The following LNX1 variants were observed in gnomAD, a reference collection of about 807,000 sequenced individuals.
LNX1 encodes the protein E3 ubiquitin-protein ligase LNX.
Under a neutral mutation model 68.4 loss-of-function variants are expected in LNX1, and 54 were observed. The ratio of observed to expected loss-of-function variants is 0.79; its 90% CI spans 0.63 to 0.99. The LOEUF is 0.99. Ranked by LOEUF, LNX1 falls within the 50% of genes least tolerant of loss-of-function variation. The pLI is 0.00. For synonymous variants in LNX1, 336 were observed against 350.0 expected (o/e 0.96, Z 0.45); for missense variants, 906 against 926.4 (o/e 0.98, Z 0.29).
At chr4:53,487,780 T>C (rs1029896224) in intron 6 of LNX1, among the ~76,000 whole-genome samples, 4 of 152,232 alleles carry the variant, frequency 2.6e-5, no homozygotes, top group African/African-American at 9.6e-5. Flanking sequence ...CATCAACATA[T>C]TTTACATTAA....
At chr4:53,564,542 C>T (rs562327413) in intron 2 of LNX1, among the ~76,000 whole-genome samples, 241 of 152,328 alleles carry the variant, frequency 1.6e-3, no homozygotes, top group African/African-American at 5.6e-3. Context: ...AATTATTCCC[C>T]AGAGATGTCC....
At chr4:53,492,649 T>C (rs1724780590) in intron 6 of LNX1, among the ~76,000 whole-genome samples, 1 of 151,806 alleles carries the variant, frequency 6.6e-6, no homozygotes, top group Non-Finnish European at 1.5e-5. Flanking sequence ...GCAAAGAGGC[T>C]CCAGCCGTCA....
At chr4:53,565,165 C>T (rs936593534) in intron 2 of LNX1, among the ~76,000 whole-genome samples, 2 of 152,164 alleles carry the variant, frequency 1.3e-5, no homozygotes. Flanking sequence ...GGAGGCCTGC[C>T]TGCCTCTGTA....
chr4:53,544,476 G>A (rs1728965518), intron 2 of LNX1, among the ~76,000 whole-genome samples: 1 of 151,572 alleles, frequency 6.6e-6, no homozygotes, highest in Non-Finnish European at 1.5e-5. Context: ...TTACAGATGT[G>A]AGCCACCATG....
At chr4:53,495,580 T>C (rs1579408689) in intron 6 of LNX1, among the ~76,000 whole-genome samples, 2 of 133,360 alleles carry the variant, frequency 1.5e-5, no homozygotes, top group Non-Finnish European at 1.5e-5. Flanking sequence ...TCTTGCTCTA[T>C]TGCTCAGGCT....
chr4:53,463,817 GT>G (rs1348807230), intron 9 of LNX1, among the ~76,000 whole-genome samples: 1 of 151,936 alleles, frequency 6.6e-6, no homozygotes, highest in Non-Finnish European at 1.5e-5. Context: ...AAGAAGCTAA[GT>G]TTTTTTCTAA....
intron 2 of LNX1, among the ~76,000 whole-genome samples, chr4:53,535,960 A>G (rs1221052559): frequency 2.0e-5 from 3 of 152,186 alleles, no homozygotes; most frequent in Non-Finnish European, 4.4e-5. Context: ...GACTTAGTCA[A>G]GGTCAGTACT....
chr4:53,601,332 C>T (rs1733004839), intron 2 of LNX1, among the ~76,000 whole-genome samples: 2 of 152,104 alleles, frequency 1.3e-5, no homozygotes, highest in South Asian at 2.1e-4. Context: ...GTGGCTGTCC[C>T]CCTGAAGTGG....
rs188332185 is a variant in LNX1, at chr4:53,605,676, G to A, written c.-215+10841C>T. On this transcript the variant is annotated intron_variant, in intron 2 of 3. Coordinates refer to the LNX1 transcript ENST00000504299. The stretch of plus-strand genomic sequence containing the variant: ...AAATTCCATATATAAGTGAAATCAC[G>A]CAGTATTTTTCTTGTCTGACTTATT... 5.0e-3 allele frequency among the ~76,000 whole-genome samples: 755 copies of A among 152,074 alleles called. 4 individuals carry two copies. Among genetic ancestry groups the A allele is most frequent in the African/African-American group, 0.017 (708 of 41,474 alleles).
chr4:53,515,394 C>A (rs1424392825), intron 2 of LNX1, among the ~76,000 whole-genome samples: 2 of 152,174 alleles, frequency 1.3e-5, no homozygotes, highest in Non-Finnish European at 2.9e-5. Flanking sequence ...TTCACTCACA[C>A]CACCCTGATA....
intron 2 of LNX1, among the ~76,000 whole-genome samples, chr4:53,608,737 A>T (rs921577868): frequency 6.6e-5 from 10 of 152,154 alleles, no homozygotes; most frequent in Middle Eastern, 3.4e-3. Context: ...TAGAATGGAT[A>T]AAAAAAATGT....
upstream of LNX1, among the ~76,000 whole-genome samples, chr4:53,620,191 A>G (rs1360836954): frequency 6.6e-6 from 1 of 152,152 alleles, no homozygotes; most frequent in East Asian, 1.9e-4. Context: ...CTGTCTATTT[A>G]TCTATCTACC....
At chr4:53,582,313 A>C (rs1281736686) in intron 1 of LNX1, among the ~76,000 whole-genome samples, 2 of 151,250 alleles carry the variant, frequency 1.3e-5, no homozygotes, top group Non-Finnish European at 2.9e-5. Flanking sequence ...ACAGGTGAAC[A>C]GTTTGCTGAA....
At chr4:53,540,485 AGCCTG>A (rs1728676117) in intron 2 of LNX1, among the ~76,000 whole-genome samples, 1 of 152,162 alleles carries the variant, frequency 6.6e-6, no homozygotes, top group African/African-American at 2.4e-5. Context: ...AAGTGTTATT[AGCCTG>A]GCTGACATGG....
intron 9 of LNX1, among the ~76,000 whole-genome samples, chr4:53,466,719 C>T (rs190728468): frequency 6.6e-6 from 1 of 152,248 alleles, no homozygotes; most frequent in African/African-American, 2.4e-5. Context: ...GGGTCCTATG[C>T]CCAAGGAGCC....
Position 53,496,279 on chromosome 4 carries a change from T to C in LNX1, c.1094A>G (p.Asn365Ser), listed in dbSNP as rs752858547. 1 of 1,614,196 alleles carries C rather than the reference T, an allele frequency of 6.2e-7. No individual in the cohort carries two copies. The highest frequency in any genetic ancestry group is 8.5e-7 in the Non-Finnish European group (1 of 1,180,032). Residue 365 changes from asparagine (N) to serine (S), a missense_variant, in exon 6 of 11, where the codon AAC (asparagine) becomes AGC (serine). Asn to Ser is a conservative substitution (Grantham distance 46). Transcript: ENST00000263925. ...VMREQKFRSRNNGQAPDAYRP... is the reference protein window; with the variant it reads ...VMREQKFRSRSNGQAPDAYRP... ...GTAGGCATCCGGGGCCTGTCCATTG[T>C]TCCTGCTGCGGAACTTCTGTTCACG...
At chr4:53,550,912 A>G (rs571012489) in intron 2 of LNX1, among the ~76,000 whole-genome samples, 10 of 152,184 alleles carry the variant, frequency 6.6e-5, no homozygotes, top group Non-Finnish European at 1.3e-4. Flanking sequence ...CAGAAAATGG[A>G]GGCAAGCAAC....
intron 1 of LNX1, among the ~76,000 whole-genome samples, chr4:53,639,178 G>A (rs898083105): frequency 6.6e-6 from 1 of 152,102 alleles, no homozygotes; most frequent in African/African-American, 2.4e-5. Flanking sequence ...CATGTCCTTT[G>A]CAGCAACATG....
At chr4:53,475,103 C>G (rs531368875) in intron 9 of LNX1, among the ~76,000 whole-genome samples, 5 of 152,266 alleles carry the variant, frequency 3.3e-5, no homozygotes, top group Non-Finnish European at 7.3e-5. Context: ...AAGTGCCATG[C>G]CCAAGGGCAA....
Sources: allele counts gnomAD v4.1 joint callset (sites outside exome capture counted in the v4.1 genomes callset), GRCh38; gene constraint gnomAD v4.1.1; transcripts MANE v1.5; gene names NCBI Gene and HGNC (gene_info 2026-07-23, HGNC 2026-07-21).